Variants in SNX2 observed in about 807,000 individuals in gnomAD.
SNX2 encodes sorting nexin 2.
A neutral mutation model predicts 69.9 loss-of-function variants in SNX2; 25 were observed. The ratio of observed to expected loss-of-function variants is 0.36; its 90% CI spans 0.26 to 0.50. The LOEUF (loss-of-function observed/expected upper bound fraction) is 0.50, where lower values mean the gene tolerates loss of function less well. Ranked by LOEUF, SNX2 falls within the 20% of genes least tolerant of loss-of-function variation. The probability of loss-of-function intolerance (pLI) is 0.97; values close to 1 mark genes in which losing one functional copy is unlikely to be tolerated. For missense variants in SNX2, 551 were observed against 613.3 expected (o/e 0.90, Z 1.07); for synonymous variants, 229 against 200.4 (o/e 1.14, Z -1.20).
At chr5:122,775,924 C>T (rs891210899) in intron 1 of SNX2, among the ~76,000 whole-genome samples, 6 of 152,130 alleles carry the variant, frequency 3.9e-5, no homozygotes, top group Admixed American at 1.3e-4. Flanking sequence ...AACAGATCTC[C>T]ACTCCTTTTT....
intron 1 of SNX2, chr5:122,775,647 G>A: frequency 1.0e-6 from 1 of 987,412 alleles, no homozygotes; most frequent in Non-Finnish European, 1.2e-6. Context: ...AATGAAGTGA[G>A]CGCTGAGGGG....
intron 10 of SNX2, among the ~76,000 whole-genome samples, chr5:122,818,346 G>T (rs1412972121): frequency 6.6e-6 from 1 of 152,028 alleles, no homozygotes; most frequent in Non-Finnish European, 1.5e-5. Context: ...TATGTTAATT[G>T]TGTATATAAT....
At chr5:122,823,717 GGTGTGTGTGT>G (rs10559761) in intron 11 of SNX2, among the ~76,000 whole-genome samples, 3 of 149,730 alleles carry the variant, frequency 2.0e-5, no homozygotes, top group Non-Finnish European at 3.0e-5. Context: ...TGTGTATGTG[GGTGTGTGTGT>G]GTGTGTGTGT....
intron 13 of SNX2, 52 bp downstream of exon 13, chr5:122,827,511 C>T (rs1754178515): frequency 5.6e-6 from 9 of 1,601,486 alleles, no homozygotes; most frequent in Non-Finnish European, 7.7e-6. Flanking sequence ...CATTTTGCTG[C>T]AATTTTGTGG....
At position 122,830,430 on chromosome 5, in the gene SNX2, A is replaced by G. The variant is rs1035514083; in HGVS notation, c.*782A>G. Among the ~76,000 whole-genome samples, 7 of 152,202 alleles carry G rather than the reference A, an allele frequency of 4.6e-5. No homozygotes were observed. The highest frequency in any genetic ancestry group is 7.3e-5 in the Non-Finnish European group (5 of 68,038). ...GTATTTATATACTTTTACAAGTCCC[A>G]TGGATTTTGTTCATCTTCTCGTTAT... On this transcript the variant is annotated 3_prime_UTR_variant, in exon 15 of 15. Coordinates refer to ENST00000379516, the MANE Select transcript of SNX2 (RefSeq NM_003100.4).
At chr5:122,813,308 T>C (rs1162303880) in intron 7 of SNX2, among the ~76,000 whole-genome samples, 1 of 152,138 alleles carries the variant, frequency 6.6e-6, no homozygotes, top group Admixed American at 6.5e-5. Context: ...TAAGCTTATA[T>C]ATGAGAAACA....
At chr5:122,805,652 G>A (rs1753625935) in intron 6 of SNX2, among the ~76,000 whole-genome samples, 1 of 151,958 alleles carries the variant, frequency 6.6e-6, no homozygotes, top group Non-Finnish European at 1.5e-5. Flanking sequence ...AATCTGTAGG[G>A]ATGGTTCTAT....
intron 1 of SNX2, among the ~76,000 whole-genome samples, chr5:122,780,280 G>A (rs904502974): frequency 2.6e-5 from 4 of 152,070 alleles, no homozygotes; most frequent in Admixed American, 6.5e-5. Flanking sequence ...AAATACAATC[G>A]TGTGAATAAA....
Position 122,817,324 on chromosome 5 carries a change from A to T in SNX2, c.957A>T (p.Gln319His). ...AGCAATTTGAGAATCTGGATCAGCA[A>T]CTTAGGAAACTTCATGTCAGTGTTG... is the stretch of plus-strand genomic sequence containing the variant. ...KQQQFENLDQ[Q>H]LRKLHVSVEA... The change falls in exon 10 of 15, where the codon CAA (glutamine) becomes CAT (histidine). Residue 319 changes from glutamine (Q) to histidine (H), a missense_variant. By Grantham distance (24) the Gln-to-His change is conservative. Transcript: ENST00000379516. 1 of 1,614,026 alleles carries T rather than the reference A, an allele frequency of 6.2e-7. No individual in the cohort carries two copies. The highest frequency in any genetic ancestry group is 8.5e-7 in the Non-Finnish European group (1 of 1,179,942).
chr5:122,775,671 G>A, intron 1 of SNX2: 1 of 986,648 alleles, frequency 1.0e-6, no homozygotes, highest in Middle Eastern at 5.2e-4. Context: ...AGGGTCTGTG[G>A]GGAACGAATG....
chr5:122,775,616 G>A (rs1219466164), intron 1 of SNX2: 27 of 989,252 alleles, frequency 2.7e-5, no homozygotes, highest in Non-Finnish European at 3.2e-5. Context: ...GAGGGAGGGT[G>A]TGCCGCTGCC....
chr5:122,788,126 C>T (rs937471220), intron 1 of SNX2, among the ~76,000 whole-genome samples: 77 of 152,184 alleles, frequency 5.1e-4, no homozygotes, highest in African/African-American at 1.8e-3. Context: ...TTTATTTCAC[C>T]TTCAATCCTG....
At chr5:122,809,017 C>G (rs906067650) in intron 7 of SNX2, among the ~76,000 whole-genome samples, 4 of 151,994 alleles carry the variant, frequency 2.6e-5, no homozygotes, top group Non-Finnish European at 4.4e-5. Context: ...CCCTCCATAT[C>G]TGTGGGTGCC....
chr5:122,786,729 C>G (rs1209722667), intron 1 of SNX2, among the ~76,000 whole-genome samples: 1 of 151,836 alleles, frequency 6.6e-6, no homozygotes, highest in African/African-American at 2.4e-5. Flanking sequence ...AAGGACGGGC[C>G]ATTTTTTACA....
In SNX2 at chr5:122,832,630, T is replaced by G. The variant is rs972692218; in HGVS notation, c.*2982T>G. On this transcript the variant is annotated 3_prime_UTR_variant, in exon 15 of 15. Coordinates refer to ENST00000379516, the MANE Select transcript of SNX2 (RefSeq NM_003100.4). Reference sequence around the variant, plus strand: ...TTGCGTCCTTTGTCGTTATATAAATTGTTTTATAAATGGCTTTAACTATGA... The same window carrying G: ...TTGCGTCCTTTGTCGTTATATAAATGGTTTTATAAATGGCTTTAACTATGA... 1.0e-4 allele frequency: 15 copies of G among 148,032 alleles called. No individual in the cohort carries two copies. The highest frequency in any genetic ancestry group is 3.7e-4 in the African/African-American group (15 of 40,446). 9.2% of individuals were successfully genotyped at this position (148,032 alleles called of 1,614,324 possible).
chr5:122,788,494 G>T (rs1311141782), intron 1 of SNX2, among the ~76,000 whole-genome samples: 2 of 152,044 alleles, frequency 1.3e-5, no homozygotes, highest in African/African-American at 4.8e-5. Flanking sequence ...CTTCCTTCTG[G>T]AACATTTTGG....
chr5:122,822,347 C>T (rs572434701), intron 11 of SNX2, among the ~76,000 whole-genome samples: 2 of 152,184 alleles, frequency 1.3e-5, no homozygotes, highest in East Asian at 1.9e-4. Context: ...CGTCCCAAAG[C>T]GCTGGGATTA....
At chr5:122,812,558 C>A (rs1753803873) in intron 7 of SNX2, among the ~76,000 whole-genome samples, 1 of 152,204 alleles carries the variant, frequency 6.6e-6, no homozygotes, top group Non-Finnish European at 1.5e-5. Context: ...TGCCACCAAC[C>A]ACATCTTAAA....
rs570109543 is a variant in SNX2, at chr5:122,793,095, C to G, written c.109-2171C>G. On this transcript the variant is annotated intron_variant, in intron 1 of 14. Coordinates refer to ENST00000379516, the MANE Select transcript of SNX2 (RefSeq NM_003100.4). ...CTTCTAAAGCTGAACATTCATCTAC[C>G]CTGTGAGCCAGCTATTCCATTCTTA... Among the ~76,000 whole-genome samples, 129 of 152,206 alleles carry G rather than the reference C, an allele frequency of 8.5e-4. 2 individuals are homozygous for G. In the South Asian group the frequency reaches 0.026, roughly 31 times the overall value.
Sources: allele counts gnomAD v4.1 joint callset (sites outside exome capture counted in the v4.1 genomes callset), GRCh38; gene constraint gnomAD v4.1.1; transcripts MANE v1.5; gene names NCBI Gene and HGNC (gene_info 2026-07-23, HGNC 2026-07-21).